NTM: variants seen among roughly 807,000 people sequenced by gnomAD.
NTM encodes IgLON family member 2.
In NTM, 13 loss-of-function variants were observed where a neutral mutation model predicts 42.1. The observed-to-expected ratio is 0.31, with a 90% CI of 0.20 to 0.49. NTM has a LOEUF of 0.49. NTM is among the 20% of genes least tolerant of loss of function. The pLI is 0.99. For missense variants in NTM, 373 were observed against 452.8 expected, an observed-to-expected ratio of 0.82 and a Z score of 1.60; for synonymous variants, 187 against 179.2, an observed-to-expected ratio of 1.04 and a Z score of -0.35.
At chr11:131,400,695 T>A (rs1402625421) in intron 1 of NTM, among the ~76,000 whole-genome samples, 1 of 152,214 alleles carries the variant, frequency 6.6e-6, no homozygotes, top group Non-Finnish European at 1.5e-5. Flanking sequence ...ATCTGAAGTT[T>A]CTGTTTTCAC....
At chr11:131,947,127 A>G (rs1481805805) in intron 2 of NTM, among the ~76,000 whole-genome samples, 1 of 152,212 alleles carries the variant, frequency 6.6e-6, no homozygotes, top group African/African-American at 2.4e-5. Flanking sequence ...ACTGGTAGTT[A>G]AAAAATGTCT....
At chr11:132,149,282 A>G (rs2071326752) in intron 3 of NTM, among the ~76,000 whole-genome samples, 1 of 151,444 alleles carries the variant, frequency 6.6e-6, no homozygotes, top group South Asian at 2.1e-4. Context: ...ATCGTTTATT[A>G]TACCAAACAT....
intron 1 of NTM, among the ~76,000 whole-genome samples, chr11:131,789,600 A>AG (rs2090382547): frequency 2.4e-5 from 2 of 81,958 alleles, no homozygotes; most frequent in Non-Finnish European, 4.7e-5. Context: ...AAGAAGAAGA[A>AG]GAAGAAGAAG....
chr11:131,516,457 A>G (rs560766599), intron 1 of NTM, among the ~76,000 whole-genome samples: 1 of 152,232 alleles, frequency 6.6e-6, no homozygotes, highest in East Asian at 1.9e-4. Flanking sequence ...CGGCTCACGC[A>G]ATCTCCGCCT....
At chr11:132,108,216 T>C (rs2062663664) in intron 2 of NTM, among the ~76,000 whole-genome samples, 1 of 152,224 alleles carries the variant, frequency 6.6e-6, no homozygotes, top group African/African-American at 2.4e-5. Flanking sequence ...TTCATACCTT[T>C]ACCTCTATTT....
chr11:131,733,463 T>TTCC (rs2079960846), intron 1 of NTM, among the ~76,000 whole-genome samples: 4 of 112,614 alleles, frequency 3.6e-5, no homozygotes, highest in East Asian at 2.6e-4. Context: ...TCCTTCCTTC[T>TTCC]TTCCTTCCTT....
chr11:131,514,123 C>G (rs2048598282), intron 1 of NTM, among the ~76,000 whole-genome samples: 2 of 152,172 alleles, frequency 1.3e-5, no homozygotes, highest in Non-Finnish European at 2.9e-5. Context: ...AAAATTGCCT[C>G]TCACATAAAC....
At chr11:132,218,016 G>T (rs1396369257) in intron 4 of NTM, among the ~76,000 whole-genome samples, 2 of 152,126 alleles carry the variant, frequency 1.3e-5, no homozygotes, top group Non-Finnish European at 2.9e-5. Context: ...CAGGTTCCAT[G>T]ACTCCAGTGA....
chr11:131,459,772 C>T (rs887502343), intron 1 of NTM, among the ~76,000 whole-genome samples: 1 of 152,164 alleles, frequency 6.6e-6, no homozygotes, highest in African/African-American at 2.4e-5. Flanking sequence ...CCTTAGTCTT[C>T]AACTCTGTCC....
chr11:131,688,719 G>A (rs1247091120), intron 1 of NTM, among the ~76,000 whole-genome samples: 1 of 152,252 alleles, frequency 6.6e-6, no homozygotes, highest in East Asian at 1.9e-4. Flanking sequence ...AGGGGTGGGG[G>A]TGATGCGTGT....
At chr11:131,589,492 G>C (rs2059173582) in intron 1 of NTM, among the ~76,000 whole-genome samples, 2 of 152,318 alleles carry the variant, frequency 1.3e-5, no homozygotes, top group South Asian at 4.1e-4. Flanking sequence ...TCCCACAGGA[G>C]CTTCTGCAGA....
chr11:132,247,179 T>G (rs995505884), intron 4 of NTM, among the ~76,000 whole-genome samples: 4 of 152,190 alleles, frequency 2.6e-5, no homozygotes, highest in Non-Finnish European at 5.9e-5. Flanking sequence ...TTGATCGCCC[T>G]GTGGTTTGCC....
chr11:131,766,405 C>T (rs945930746), intron 1 of NTM, among the ~76,000 whole-genome samples: 4 of 152,062 alleles, frequency 2.6e-5, no homozygotes, highest in African/African-American at 7.2e-5. Flanking sequence ...GTGCAGAGGG[C>T]GATGCGACAG....
intron 1 of NTM, among the ~76,000 whole-genome samples, chr11:131,613,496 C>T (rs989595540): frequency 9.9e-5 from 15 of 152,134 alleles, no homozygotes; most frequent in African/African-American, 3.6e-4. Context: ...TATTGATTCC[C>T]AAATGCCAGA....
intron 1 of NTM, among the ~76,000 whole-genome samples, chr11:131,405,819 G>A (rs114889542): frequency 9.9e-5 from 15 of 152,230 alleles, no homozygotes; most frequent in African/African-American, 3.1e-4. Flanking sequence ...TCCTCAGTGA[G>A]TATGCTCCAC....
intron 2 of NTM, among the ~76,000 whole-genome samples, chr11:131,983,673 G>A (rs1388482040): frequency 1.3e-5 from 2 of 152,160 alleles, no homozygotes; most frequent in Non-Finnish European, 2.9e-5. Context: ...ACCACGACTG[G>A]CTATAATATT....
intron 2 of NTM, among the ~76,000 whole-genome samples, chr11:132,024,419 A>G (rs952277015): frequency 2.6e-5 from 4 of 152,228 alleles, no homozygotes; most frequent in Admixed American, 2.6e-4. Flanking sequence ...ATTTGTAGAA[A>G]ATCTATGCAT....
chr11:132,024,028 C>G (rs2074801228), intron 2 of NTM, among the ~76,000 whole-genome samples: 1 of 151,866 alleles, frequency 6.6e-6, no homozygotes, highest in South Asian at 2.1e-4. Context: ...ACCATGTTAG[C>G]CAGGAGGTCT....
At position 131,564,284 on chromosome 11, in the gene NTM, G is replaced by GTTT. The variant is rs753298884; in HGVS notation, c.82+193399_82+193401dup. On this transcript the variant is annotated intron_variant, in intron 1 of 8. Transcript: ENST00000683400. ...TTTATGCCACCTTATTTATTTGTTT[G>GTTT]TTTTTAAACAAAGGAAAATTATTTC... is the stretch of plus-strand genomic sequence containing the variant. Among the ~76,000 whole-genome samples, 669 of 152,074 alleles carry GTTT rather than the reference G, an allele frequency of 4.4e-3. 6 individuals are homozygous for GTTT. The highest frequency in any genetic ancestry group is 0.016 in the African/African-American group (646 of 41,466).
Sources: allele counts gnomAD v4.1 joint callset (sites outside exome capture counted in the v4.1 genomes callset), GRCh38; gene constraint gnomAD v4.1.1; transcripts MANE v1.5; gene names NCBI Gene and HGNC (gene_info 2026-07-23, HGNC 2026-07-21).